Variants in EIF4B observed in about 807,000 individuals in gnomAD.
The protein encoded by EIF4B is eukaryotic translation initiation factor 4B.
Under a neutral mutation model 79.3 loss-of-function variants are expected in EIF4B, and 8 were observed. The observed-to-expected ratio is 0.10, with a 90% CI of 0.06 to 0.18. The LOEUF is 0.18. Among genes scored for constraint, EIF4B ranks in the 10% least tolerant of loss-of-function variants. The pLI, the probability that EIF4B is intolerant of heterozygous loss-of-function variation, is 1.00. For missense variants in EIF4B, 515 were observed against 792.4 expected (o/e 0.65, Z 4.20); for synonymous variants, 238 against 274.7 (o/e 0.87, Z 1.32).
intron 10 of EIF4B, among the ~76,000 whole-genome samples, chr12:53,036,460 G>A (rs1375940962): frequency 6.6e-6 from 1 of 152,214 alleles, no homozygotes. Context: ...AGGCTGGAGT[G>A]CAGTGGTGCG....
At chr12:53,034,100 CA>C (rs1433967930) in intron 9 of EIF4B, 66 bp downstream of exon 9, 2 of 1,474,552 alleles carry the variant, frequency 1.4e-6, no homozygotes, top group Non-Finnish European at 1.8e-6. Flanking sequence ...ATTACATCCC[CA>C]GGGGCATTTG....
At chr12:53,031,905 T>C (rs1943453564) in intron 8 of EIF4B, among the ~76,000 whole-genome samples, 1 of 152,250 alleles carries the variant, frequency 6.6e-6, no homozygotes, top group Non-Finnish European at 1.5e-5. Context: ...CAGGTGATTG[T>C]ATACATAGGC....
At position 53,016,609 on chromosome 12, in the gene EIF4B, T is replaced by C. The variant is rs775516694; in HGVS notation, c.150T>C (p.Asp50=). Residue 50 remains aspartate, a splice_region_variant and synonymous_variant, in exon 2 of 15, where the codon GAT becomes GAC. Coordinates refer to ENST00000262056, the MANE Select transcript of EIF4B (RefSeq NM_001417.7). ...ATGAAACGGATGACCTGGAAGGAGATGGTAACTTTTCTTTTGTCATCGTGT... is the reference window on the plus strand; with the variant it reads ...ATGAAACGGATGACCTGGAAGGAGACGGTAACTTTTCTTTTGTCATCGTGT... ...WADETDDLEG[D]VSTTWHSNDD... 1.9e-6 allele frequency: 3 copies of C among 1,574,374 alleles called. No individual in the cohort carries two copies. Among genetic ancestry groups the C allele is most frequent in the Non-Finnish European group, 2.6e-6 (3 of 1,164,102 alleles).
At chr12:53,006,952 TG>T (rs1177018756) in intron 1 of EIF4B, among the ~76,000 whole-genome samples, 4 of 26,446 alleles carry the variant, frequency 1.5e-4, no homozygotes, top group Non-Finnish European at 2.2e-4. Flanking sequence ...GTAAGTGTGG[TG>T]GGGGGGAGCA....
chr12:53,020,737 G>A (rs1205546508), intron 4 of EIF4B, among the ~76,000 whole-genome samples: 1 of 152,102 alleles, frequency 6.6e-6, no homozygotes, highest in Non-Finnish European at 1.5e-5. Context: ...TAGTTTTGCT[G>A]CCTCATAATT....
At chr12:53,038,690 C>T (rs150506466) in intron 12 of EIF4B, 147 of 179,334 alleles carry the variant, frequency 8.2e-4, no homozygotes, top group African/African-American at 3.4e-3. Flanking sequence ...TGGCACATGC[C>T]TGTAATCCCA....
chr12:53,007,928 C>G (rs1942995941), intron 1 of EIF4B, among the ~76,000 whole-genome samples: 1 of 152,196 alleles, frequency 6.6e-6, no homozygotes, highest in Non-Finnish European at 1.5e-5. Context: ...GGCCACACTG[C>G]TCTCAGCTGG....
At position 53,040,155 on chromosome 12, in the gene EIF4B, G is replaced by A. The variant is rs1182221027; in HGVS notation, c.1768G>A (p.Ala590Thr). The change falls in exon 15 of 15, where the codon GCA becomes ACA. Residue 590 changes from alanine (A) to threonine (T), a missense_variant. Ala to Thr is a moderately conservative substitution (Grantham distance 58). Coordinates refer to ENST00000262056, the MANE Select transcript of EIF4B (RefSeq NM_001417.7). ...CGTTGTGTTACAGAAGTTCAGTTCT[G>A]CAAGCAAGTATGCTGCTCTCTCTGT... ...EENPASKFSS[A>T]SKYAALSVDG... The A allele has an allele frequency of 6.2e-7, 1 of 1,614,142 alleles. No individual in the cohort carries two copies.
At chr12:53,015,611 G>C (rs1333868510) in intron 1 of EIF4B, among the ~76,000 whole-genome samples, 3 of 151,572 alleles carry the variant, frequency 2.0e-5, no homozygotes, top group African/African-American at 7.3e-5. Flanking sequence ...GCATGGGAGG[G>C]TTGAGGCTTC....
At chr12:53,017,934 G>A (rs1943174277) in intron 2 of EIF4B, among the ~76,000 whole-genome samples, 1 of 152,144 alleles carries the variant, frequency 6.6e-6, no homozygotes, top group African/African-American at 2.4e-5. Context: ...ATAGGTGTTG[G>A]TATCTGAAGT....
chr12:53,011,250 G>T (rs1411354472), intron 1 of EIF4B, among the ~76,000 whole-genome samples: 1 of 152,200 alleles, frequency 6.6e-6, no homozygotes, highest in African/African-American at 2.4e-5. Context: ...CTGGGTGACA[G>T]AGCAAGACCC....
chr12:53,036,629 G>C (rs1212072338), intron 10 of EIF4B, among the ~76,000 whole-genome samples: 2 of 152,150 alleles, frequency 1.3e-5, no homozygotes. Context: ...CCCCAGGCTG[G>C]TCTCAAACTC....
intron 8 of EIF4B, among the ~76,000 whole-genome samples, chr12:53,028,698 C>T (rs910455084): frequency 1.3e-5 from 2 of 151,932 alleles, no homozygotes; most frequent in South Asian, 2.1e-4. Flanking sequence ...AAAAAGTTGC[C>T]AGATACTGTT....
At chr12:53,022,757 G>A in intron 6 of EIF4B, 130 bp downstream of exon 6, 2 of 1,222,248 alleles carry the variant, frequency 1.6e-6, no homozygotes, top group Non-Finnish European at 1.1e-6. Context: ...GAAAAATTTT[G>A]GATAGTATCT....
Position 53,040,233 on chromosome 12 carries a change from T to C in EIF4B, c.*10T>C. 1 of 1,609,006 alleles carries C rather than the reference T, an allele frequency of 6.2e-7. No homozygotes were observed. Among genetic ancestry groups the C allele is most frequent in the Non-Finnish European group, 8.5e-7 (1 of 1,175,864 alleles). On this transcript the variant is annotated 3_prime_UTR_variant, in exon 15 of 15. Coordinates refer to ENST00000262056, the MANE Select transcript of EIF4B (RefSeq NM_001417.7). ...AGATTATGCCGAATAGACCTCTACATCCTGTGCTTTTCTCCTAGTTTCTCT... is the reference window on the plus strand; with the variant it reads ...AGATTATGCCGAATAGACCTCTACACCCTGTGCTTTTCTCCTAGTTTCTCT...
intron 1 of EIF4B, among the ~76,000 whole-genome samples, chr12:53,011,730 G>A (rs965146062): frequency 3.3e-5 from 5 of 152,096 alleles, no homozygotes; most frequent in African/African-American, 9.7e-5. Flanking sequence ...CTTGTTTAAC[G>A]GCTTCTGGAC....
At chr12:53,012,217 A>AGTTATTCAACTTATT (rs1270886769) in intron 1 of EIF4B, 1 of 152,196 alleles carries the variant, frequency 6.6e-6, no homozygotes, top group African/African-American at 2.4e-5. Context: ...CTACAGTTAA[A>AGTTATTCAACTTATT]TAAGTTGAAG....
rs1159049081 is a variant in EIF4B at position 53,040,481 on chromosome 12, T to C, written c.*258T>C. 5.3e-6 allele frequency: 2 copies of C among 379,880 alleles called. No homozygotes were observed. Among genetic ancestry groups the C allele is most frequent in the South Asian group, 3.1e-5 (1 of 32,008 alleles). The allele number at this position is 379,880 out of a possible 1,614,324, so 23.5% of individuals were successfully genotyped here. A position where few individuals can be genotyped will look rare whatever the true frequency, so the allele number is the denominator to read the frequency against. Reference sequence around the variant, plus strand: ...TTAGAGGAAAAGTTGTGGTGCGTTATGTCACCATGCAGTTGCCAGTGTGAT... The same window carrying C: ...TTAGAGGAAAAGTTGTGGTGCGTTACGTCACCATGCAGTTGCCAGTGTGAT... On this transcript the variant is annotated 3_prime_UTR_variant, in exon 15 of 15. Coordinates refer to ENST00000262056, the MANE Select transcript of EIF4B (RefSeq NM_001417.7).
chr12:53,038,505 C>T (rs1943575389), intron 12 of EIF4B, 94 bp downstream of exon 12: 1 of 1,262,324 alleles, frequency 7.9e-7, no homozygotes, highest in Non-Finnish European at 1.1e-6. Flanking sequence ...TGTCTCGCAC[C>T]TGATACCGTG....
Sources: gnomAD v4.1 joint callset for allele counts (sites outside exome capture counted in the v4.1 genomes callset) on GRCh38, gnomAD v4.1.1 for gene constraint, MANE v1.5 for transcripts, NCBI Gene and HGNC (gene_info 2026-07-23, HGNC 2026-07-21) for gene names.